Variants in LY75 observed in about 807,000 individuals in gnomAD.
LY75 encodes the protein lymphocyte antigen 75.
Under a neutral mutation model 231.7 loss-of-function variants are expected in LY75, and 185 were observed. The observed-to-expected ratio is 0.80, with a 90% confidence interval of 0.71 to 0.90. LY75 has a LOEUF of 0.90. Ranked by LOEUF, LY75 falls within the 40% of genes least tolerant of loss-of-function variation. The probability of loss-of-function intolerance (pLI) is 0.00; values close to 1 mark genes in which losing one functional copy is unlikely to be tolerated. For synonymous variants in LY75, 668 were observed against 689.0 expected, an observed-to-expected ratio of 0.97 and a Z score of 0.48; for missense variants, 1,947 against 2,050.2, an observed-to-expected ratio of 0.95 and a Z score of 0.97.
intron 23 of LY75, among the ~76,000 whole-genome samples, chr2:159,843,538 T>A (rs1684107049): frequency 6.6e-6 from 1 of 151,956 alleles, no homozygotes; most frequent in Non-Finnish European, 1.5e-5. Flanking sequence ...AAGCTTTAAA[T>A]AAATTATCTT....
rs147094031 is a variant in LY75, at chr2:159,865,991, T to C, written c.2118-1071A>G. Among the ~76,000 whole-genome samples, 536 of 152,336 alleles carry C rather than the reference T, an allele frequency of 3.5e-3. 5 individuals are homozygous for C. The highest frequency in any genetic ancestry group is 0.012 in the African/African-American group (502 of 41,574). On this transcript the variant is annotated intron_variant, in intron 13 of 34. Transcript: ENST00000263636. ...ATTTGAAAATGTTTTCTAAAATTTA[T>C]TACACTTTTAGGCGACCAATAATAT...
chr2:159,900,962 C>A (rs1378822557), intron 1 of LY75, among the ~76,000 whole-genome samples: 1 of 152,072 alleles, frequency 6.6e-6, no homozygotes, highest in Non-Finnish European at 1.5e-5. Context: ...CCCCAGCCTC[C>A]CAAGTAGCTG....
In LY75 at chr2:159,854,948, G is replaced by C; in HGVS notation, c.2384-9C>G. 1.2e-6 allele frequency: 2 copies of C among 1,613,722 alleles called. No individual in the cohort carries two copies. The highest frequency in any genetic ancestry group is 2.2e-5 in the South Asian group (2 of 91,070). ...TGTTTTTGGAGTACGGCCTGTATGA[G>C]GAAGAAAGCAAGTGGCATTAGTATT... On this transcript the variant is annotated splice_polypyrimidine_tract_variant and intron_variant, in intron 16 of 34. Coordinates refer to ENST00000263636, the MANE Select transcript of LY75 (RefSeq NM_002349.4).
chr2:159,880,489 C>T (rs969495419), intron 8 of LY75, among the ~76,000 whole-genome samples: 7 of 152,160 alleles, frequency 4.6e-5, no homozygotes, highest in Non-Finnish European at 8.8e-5. Flanking sequence ...GGTGCAGGCC[C>T]TGGTCCTGAG....
Position 159,835,623 on chromosome 2 carries a change from G to C in LY75, c.3530C>G (p.Ser1177Ter). 6.2e-7 allele frequency: 1 copy of C among 1,613,600 alleles called. No individual in the cohort carries two copies. The highest frequency in any genetic ancestry group is 8.5e-7 in the Non-Finnish European group (1 of 1,179,792). The change falls in exon 26 of 35, where the codon TCA (serine) becomes TGA (stop). Residue 1177 changes from serine to a stop codon, truncating the protein, a stop_gained. Transcript: ENST00000263636. LOFTEE classifies it high-confidence loss of function. ...SQDDELNFGW[S>*]DGKRLHFSRW... is the part of the protein sequence containing the mutation. ...ACTAAAATGAAGACGTTTCCCATCT[G>C]ACCAACCAAAGTTGAGTTCATCCTG...
chr2:159,884,094 C>A (rs781713468), intron 6 of LY75, among the ~76,000 whole-genome samples: 4 of 152,130 alleles, frequency 2.6e-5, no homozygotes, highest in Non-Finnish European at 4.4e-5. Flanking sequence ...TGAGATCTGG[C>A]GGTTTTATAA....
At position 159,804,872 on chromosome 2, in the gene LY75, T is replaced by C; in HGVS notation, c.*172A>G. ...ATTCTATTAATTAGGGTGATAAACA[T>C]GGCATTTAGCAGGGAATTAACTGTG... On this transcript the variant is annotated 3_prime_UTR_variant, in exon 35 of 35. Coordinates refer to ENST00000263636, the MANE Select transcript of LY75 (RefSeq NM_002349.4). 1.9e-6 allele frequency: 1 copy of C among 526,482 alleles called. No individual in the cohort carries two copies. The allele number at this position is 526,482 out of a possible 1,614,324, so 32.6% of individuals were successfully genotyped here.
chr2:159,882,442 G>A (rs894048048), intron 6 of LY75, 127 bp from the exon 7 acceptor site: 13 of 1,302,664 alleles, frequency 1.0e-5, no homozygotes, highest in Non-Finnish European at 9.3e-6. Flanking sequence ...CAGATGCTAC[G>A]GTGACATGAA....
chr2:159,891,479 A>G (rs898757826), intron 3 of LY75, among the ~76,000 whole-genome samples: 1 of 152,226 alleles, frequency 6.6e-6, no homozygotes, highest in African/African-American at 2.4e-5. Flanking sequence ...TTGTAAATCC[A>G]GAAGCTTCCA....
Position 159,850,437 on chromosome 2 carries a change from T to C in LY75, c.2914A>G (p.Thr972Ala), listed in dbSNP as rs757255109. ...CAGGTATCGCTTGCTTGAGAAAATG[T>C]GAGAGACACGGGTTTGATCTTTAGA... is the stretch of plus-strand genomic sequence containing the variant. ...CFLKIKPVSL[T>A]FSQASDTCHS... The change falls in exon 22 of 35, where the codon ACA becomes GCA. Residue 972 changes from threonine (T) to alanine (A), a missense_variant. Coordinates refer to ENST00000263636, the MANE Select transcript of LY75 (RefSeq NM_002349.4). 1.2e-6 allele frequency: 2 copies of C among 1,613,616 alleles called. No homozygotes were observed. The highest frequency in any genetic ancestry group is 2.7e-5 in the African/African-American group (2 of 74,986).
intron 13 of LY75, among the ~76,000 whole-genome samples, chr2:159,868,760 G>C (rs1366578533): frequency 1.3e-5 from 2 of 152,094 alleles, no homozygotes; most frequent in South Asian, 2.1e-4. Flanking sequence ...GTTCCAGTTA[G>C]AGTTACTAAC....
chr2:159,854,690 G>A, intron 17 of LY75, 155 bp from the exon 18 acceptor site: 1 of 678,502 alleles, frequency 1.5e-6, no homozygotes, highest in Non-Finnish European at 1.8e-6. Context: ...AGAGATTCCT[G>A]AGCCAGTGAC....
intron 28 of LY75, among the ~76,000 whole-genome samples, chr2:159,824,446 A>T (rs1186233160): frequency 1.3e-5 from 2 of 152,242 alleles, no homozygotes; most frequent in Non-Finnish European, 2.9e-5. Flanking sequence ...CACCCAATAC[A>T]GGAGCACCCA....
intron 14 of LY75, among the ~76,000 whole-genome samples, chr2:159,861,553 G>T (rs1456434964): frequency 6.6e-6 from 1 of 152,072 alleles, no homozygotes; most frequent in East Asian, 1.9e-4. Context: ...TTCGAGACCA[G>T]CCTGGGCAAC....
At chr2:159,841,108 T>C in intron 24 of LY75, 153 bp from the exon 25 acceptor site, 1 of 711,932 alleles carries the variant, frequency 1.4e-6, no homozygotes, top group Non-Finnish European at 1.7e-6. Flanking sequence ...TAGGTATGTC[T>C]TGCTGTATAC....
intron 6 of LY75, 126 bp from the exon 7 acceptor site, chr2:159,882,441 C>T (rs867215876): frequency 1.8e-5 from 23 of 1,305,380 alleles, no homozygotes; most frequent in East Asian, 4.9e-5. Context: ...TCAGATGCTA[C>T]GGTGACATGA....
At position 159,904,569 on chromosome 2, in the gene LY75, G is replaced by T; in HGVS notation, c.94+20C>A. 1 of 1,506,396 alleles carries T rather than the reference G, an allele frequency of 6.6e-7. No individual in the cohort carries two copies. 93.3% of individuals were successfully genotyped at this position (1,506,396 alleles called of 1,614,324 possible). On this transcript the variant is annotated intron_variant, in intron 1 of 34. Coordinates refer to ENST00000263636, the MANE Select transcript of LY75 (RefSeq NM_002349.4). Reference sequence around the variant, plus strand: ...GTCGAGGCACCCAGCGGACTGCGGGGCTGGCGTGCCCGCGGTTACCTGCGC... The same window carrying T: ...GTCGAGGCACCCAGCGGACTGCGGGTCTGGCGTGCCCGCGGTTACCTGCGC...
At chr2:159,884,482 T>C (rs1278564567) in intron 6 of LY75, among the ~76,000 whole-genome samples, 1 of 152,128 alleles carries the variant, frequency 6.6e-6, no homozygotes, top group African/African-American at 2.4e-5. Flanking sequence ...CCAAACACCC[T>C]GGAAAAACCC....
chr2:159,850,826 G>GTATATTATATCTTTAATATATATTT lies in LY75; in HGVS notation c.2884-384_2884-360dup, dbSNP rs1168695981. 3.1e-4 allele frequency among the ~76,000 whole-genome samples: 29 copies of GTATATTATATCTTTAATATATATTT among 93,810 alleles called. 1 individual carries two copies. The highest frequency in any genetic ancestry group is 1.1e-3 in the African/African-American group (26 of 24,756). The allele number at this position is 93,810 out of a possible 152,430, so 61.5% of individuals were successfully genotyped here. A position where few individuals can be genotyped will look rare whatever the true frequency, so the allele number is the denominator to read the frequency against. On this transcript the variant is annotated intron_variant, in intron 21 of 34. Transcript: ENST00000263636. ...ATATCTTATATATAAGATATATATT[G>GTATATTATATCTTTAATATATATTT]TATATTATATCTTTAATATATATTT...
Sources: gnomAD v4.1 joint callset for allele counts (sites outside exome capture counted in the v4.1 genomes callset) on GRCh38, gnomAD v4.1.1 for gene constraint, MANE v1.5 for transcripts, NCBI Gene and HGNC (gene_info 2026-07-23, HGNC 2026-07-21) for gene names.